PTPRD: variants seen among roughly 807,000 people sequenced by gnomAD.
The protein encoded by PTPRD is protein tyrosine phosphatase receptor type D, also known as receptor-type tyrosine-protein phosphatase delta.
In PTPRD, 34 loss-of-function variants were observed where a neutral mutation model predicts 214.5. The observed-to-expected ratio is 0.16, with a 90% CI of 0.12 to 0.21. The LOEUF is 0.21. PTPRD is among the 10% of genes least tolerant of loss of function. The pLI, the probability that PTPRD is intolerant of heterozygous loss-of-function variation, is 1.00. For missense variants in PTPRD, 2,545 were observed against 2,398.7 expected (o/e 1.06, Z -1.27); for synonymous variants, 1,128 against 845.7 (o/e 1.33, Z -5.79).
In PTPRD at chr9:10,249,905, G is replaced by C. The variant is rs568892020; in HGVS notation, c.-545+91058C>G. The stretch of plus-strand genomic sequence containing the variant: ...GAAAAAAATAAAATAAATAAATAAA[G>C]CGCTTAAATATTTTCCTCTAAACAC... On this transcript the variant is annotated intron_variant, in intron 3 of 45. Transcript: ENST00000381196. Among the ~76,000 whole-genome samples, 3 of 152,054 alleles carry C rather than the reference G, an allele frequency of 2.0e-5. No homozygotes were observed. The South Asian group carries it at 6.2e-4, about 31-fold the overall frequency.
intron 2 of PTPRD, among the ~76,000 whole-genome samples, chr9:10,366,449 G>A (rs2097519134): frequency 6.6e-6 from 1 of 152,026 alleles, no homozygotes; most frequent in Non-Finnish European, 1.5e-5. Flanking sequence ...GTTGTTCCCA[G>A]GACAGCCAAA....
At position 9,859,666 on chromosome 9, in the gene PTPRD, A is replaced by G. The variant is rs115798597; in HGVS notation, c.-368+78841T>C. Among the ~76,000 whole-genome samples the G allele has an allele frequency of 5.5e-3, 836 of 152,308 alleles. 11 individuals are homozygous for G. Among genetic ancestry groups the G allele is most frequent in the African/African-American group, 0.019 (809 of 41,554 alleles). ...ATAAATAAGCTGGTATTCTGATTTA[A>G]TACAACAATTCTGTGAACTTAGTTA... On this transcript the variant is annotated intron_variant, in intron 5 of 45. Coordinates refer to ENST00000381196, the MANE Select transcript of PTPRD (RefSeq NM_002839.4).
intron 2 of PTPRD, among the ~76,000 whole-genome samples, chr9:10,398,112 C>G (rs1206663320): frequency 6.6e-6 from 1 of 151,496 alleles, no homozygotes; most frequent in African/African-American, 2.4e-5. Context: ...GTGCAGTGGG[C>G]TCACACCTGT....
chr9:10,160,207 A>G (rs2099119097), intron 3 of PTPRD, among the ~76,000 whole-genome samples: 4 of 152,092 alleles, frequency 2.6e-5, no homozygotes, highest in Admixed American at 2.6e-4. Flanking sequence ...TATCAGAATA[A>G]AATAGACTAT....
intron 9 of PTPRD, among the ~76,000 whole-genome samples, chr9:9,238,929 C>A (rs4742578): frequency 0.2 from 30,913 of 152,046 alleles, 3,776 homozygotes; most frequent in Middle Eastern, 0.33. Flanking sequence ...CTTCCCTATA[C>A]CATTCCAAGT....
chr9:10,196,656 A>G (rs1173541662), intron 3 of PTPRD, among the ~76,000 whole-genome samples: 2 of 152,186 alleles, frequency 1.3e-5, no homozygotes, highest in African/African-American at 2.4e-5. Context: ...AGAATAATTC[A>G]ACCCTACAGT....
rs2099120088 is a variant in PTPRD, at chr9:8,954,360, A to AGG, written c.-104+64335_-104+64336dup. The stretch of plus-strand genomic sequence containing the variant: ...GACTACTACATGGGAGAAAGGCAGG[A>AGG]GGCAAGGGCTGAAAACCTACCTATT... On this transcript the variant is annotated intron_variant, in intron 11 of 45. Coordinates refer to ENST00000381196, the MANE Select transcript of PTPRD (RefSeq NM_002839.4). Among the ~76,000 whole-genome samples the AGG allele has an allele frequency of 2.0e-5, 3 of 151,830 alleles. No homozygotes were observed. In the South Asian group the frequency reaches 6.2e-4, roughly 31 times the overall value.
At chr9:9,975,176 G>C (rs547686198) in intron 4 of PTPRD, among the ~76,000 whole-genome samples, 4 of 152,114 alleles carry the variant, frequency 2.6e-5, no homozygotes, top group African/African-American at 9.7e-5. Flanking sequence ...AGTAGACACA[G>C]TAAGACTGTG....
chr9:8,556,011 C>T (rs1284051839), intron 14 of PTPRD, among the ~76,000 whole-genome samples: 1 of 152,166 alleles, frequency 6.6e-6, no homozygotes, highest in Non-Finnish European at 1.5e-5. Context: ...AAAAATGTGT[C>T]TTGGCGGATC....
intron 2 of PTPRD, among the ~76,000 whole-genome samples, chr9:10,428,870 A>AT (rs2098650492): frequency 1.3e-5 from 2 of 152,150 alleles, no homozygotes; most frequent in South Asian, 4.1e-4. Context: ...ATGTAACAGC[A>AT]TATAAGCTGG....
At chr9:8,504,201 G>T in intron 23 of PTPRD, 60 bp downstream of exon 23, 2 of 1,573,448 alleles carry the variant, frequency 1.3e-6, no homozygotes, top group Non-Finnish European at 1.7e-6. Flanking sequence ...GAAGGTGAAA[G>T]CTAGCAACAT....
At chr9:8,792,896 A>C (rs1467314082) in intron 11 of PTPRD, among the ~76,000 whole-genome samples, 1 of 151,938 alleles carries the variant, frequency 6.6e-6, no homozygotes, top group Non-Finnish European at 1.5e-5. Flanking sequence ...ATCAACCCCC[A>C]CAGTTACAGC....
At chr9:8,510,700 C>T (rs2097660487) in intron 21 of PTPRD, among the ~76,000 whole-genome samples, 1 of 152,084 alleles carries the variant, frequency 6.6e-6, no homozygotes, top group Admixed American at 6.5e-5. Context: ...AGTGCACTAC[C>T]CACACTTCCT....
intron 3 of PTPRD, among the ~76,000 whole-genome samples, chr9:10,036,931 G>T (rs1031768114): frequency 2.6e-5 from 4 of 151,288 alleles, no homozygotes; most frequent in Non-Finnish European, 4.4e-5. Context: ...GTTGCTCAAG[G>T]TGAGTGCAGT....
chr9:9,931,699 G>C (rs1289245876), intron 5 of PTPRD, among the ~76,000 whole-genome samples: 1 of 151,534 alleles, frequency 6.6e-6, no homozygotes, highest in East Asian at 2.0e-4. Context: ...AAGCAGCTGG[G>C]AAGCTCGAAC....
At chr9:10,267,018 G>A (rs1312565571) in intron 3 of PTPRD, among the ~76,000 whole-genome samples, 3 of 151,532 alleles carry the variant, frequency 2.0e-5, no homozygotes, top group African/African-American at 4.9e-5. Flanking sequence ...GTGAAACCCC[G>A]TCTCTACTAA....
At chr9:8,786,402 C>CTTT (rs36018689) in intron 11 of PTPRD, among the ~76,000 whole-genome samples, 93 of 67,004 alleles carry the variant, frequency 1.4e-3, no homozygotes, top group African/African-American at 2.9e-3. Context: ...GTTTGGAGTT[C>CTTT]TTTTTTTTTT....
intron 8 of PTPRD, among the ~76,000 whole-genome samples, chr9:9,460,899 A>G (rs2093598117): frequency 6.6e-6 from 1 of 152,096 alleles, no homozygotes; most frequent in Admixed American, 6.6e-5. Flanking sequence ...ACTATTCACA[A>G]TAGCAAAGTC....
intron 9 of PTPRD, among the ~76,000 whole-genome samples, chr9:9,347,510 A>G (rs534531032): frequency 6.6e-6 from 1 of 152,114 alleles, no homozygotes; most frequent in South Asian, 2.1e-4. Context: ...GGCCCTTACT[A>G]TATACAGGTG....
Sources: allele counts gnomAD v4.1 joint callset (sites outside exome capture counted in the v4.1 genomes callset), GRCh38; gene constraint gnomAD v4.1.1; transcripts MANE v1.5; gene names NCBI Gene and HGNC (gene_info 2026-07-23, HGNC 2026-07-21).